Variants in SPI1 observed in about 807,000 individuals in gnomAD.
SPI1 encodes Spi-1 proto-oncogene.
Under a neutral mutation model 30.7 loss-of-function variants are expected in SPI1, and 3 were observed. That is an observed-to-expected ratio of 0.10 (90% CI 0.04 to 0.25). The LOEUF (loss-of-function observed/expected upper bound fraction) is 0.25, where lower values mean the gene tolerates loss of function less well. SPI1 is among the 10% of genes least tolerant of loss of function. SPI1 has a pLI of 1.00. For missense variants in SPI1, 261 were observed against 371.5 expected, an observed-to-expected ratio of 0.70 and a Z score of 2.45; for synonymous variants, 169 against 157.1, an observed-to-expected ratio of 1.08 and a Z score of -0.56.
intron 2 of SPI1, among the ~76,000 whole-genome samples, chr11:47,364,985 G>C (rs2095926313): frequency 6.6e-6 from 1 of 152,146 alleles, no homozygotes. Context: ...GTTTCAGAAG[G>C]CCCAATGGAT....
In SPI1 at chr11:47,375,298, C is replaced by T. The variant is rs549544109; in HGVS notation, c.142+335G>A. Among the ~76,000 whole-genome samples the T allele has an allele frequency of 1.3e-5, 2 of 152,310 alleles. No homozygotes were observed. Among genetic ancestry groups the T allele is most frequent in the African/African-American group, 4.8e-5 (2 of 41,568 alleles). ...AAGCACAGGACCTGGAGCGGACAGA[C>T]CTGGGTTCCACCCAGCAGCCGTGTG... On this transcript the variant is annotated intron_variant, in intron 2 of 4. Coordinates refer to ENST00000378538, the MANE Select transcript of SPI1 (RefSeq NM_003120.3). This position sits in a 1 kb window ranked among gnomAD's most constrained non-coding sequence, Gnocchi z 4.2.
intron 2 of SPI1, among the ~76,000 whole-genome samples, chr11:47,367,583 A>T (rs997784479): frequency 1.3e-5 from 2 of 151,172 alleles, no homozygotes; most frequent in Non-Finnish European, 2.9e-5. Flanking sequence ...TATCGTAAAT[A>T]GCAAATCCCA....
rs2095905667 is a variant in SPI1, at chr11:47,354,942, G to A, written c.*285C>T. The A allele has an allele frequency of 6.7e-6, 2 of 299,814 alleles. No individual in the cohort carries two copies. Among genetic ancestry groups the A allele is most frequent in the Non-Finnish European group, 1.2e-5 (2 of 162,408 alleles). The allele number at this position is 299,814 out of a possible 1,614,324, so 18.6% of individuals were successfully genotyped here. On this transcript the variant is annotated 3_prime_UTR_variant, in exon 5 of 5. Transcript: ENST00000378538. ...AGAGGGGAGATCTGATTTACATACG[G>A]ACTTGAGACTCCCAAGGCAGTACCC...
chr11:47,355,686 T>A, intron 4 of SPI1, 140 bp from the exon 5 acceptor site: 1 of 669,062 alleles, frequency 1.5e-6, no homozygotes, highest in Non-Finnish European at 2.5e-6. Flanking sequence ...GCGCCGGGCG[T>A]GCATACACAA....
chr11:47,372,722 C>T (rs140727467), intron 2 of SPI1, among the ~76,000 whole-genome samples: 232 of 152,260 alleles, frequency 1.5e-3, no homozygotes, highest in South Asian at 3.7e-3. Context: ...TCCCTCCTGC[C>T]TTGAGGAATG....
intron 1 of SPI1, among the ~76,000 whole-genome samples, chr11:47,377,112 C>A (rs1219527575): frequency 6.6e-6 from 1 of 152,216 alleles, no homozygotes; most frequent in Non-Finnish European, 1.5e-5. Flanking sequence ...CTGGTCCTGC[C>A]TGGTCCTGCC....
In SPI1 at chr11:47,378,317, C is replaced by T. The variant is rs763112210; in HGVS notation, c.37G>A (p.Val13Ile). 1.8e-5 allele frequency: 29 copies of T among 1,613,642 alleles called. 1 individual carries two copies. The highest frequency in any genetic ancestry group is 5.0e-5 in the Admixed American group (3 of 59,974). ...QACKMEGFPL[V>I]PPPSEDLVPY... is the part of the protein sequence containing the mutation. ...GGAGTCCCGGTACTCACAGGGGGGA[C>T]GAGGGGAAACCCTTCCATTTTGCAC... Residue 13 changes from valine (V) to isoleucine (I), a missense_variant, in exon 1 of 5, where the codon GTC becomes ATC. Val to Ile is a conservative substitution (Grantham distance 29). Around this residue, in one of 5 missense-constraint regions of SPI1, gnomAD observed 78 missense variants for 93.2 expected, o/e 0.84. Coordinates refer to ENST00000378538, the MANE Select transcript of SPI1 (RefSeq NM_003120.3).
chr11:47,370,795 G>T (rs1430475680), intron 2 of SPI1, among the ~76,000 whole-genome samples: 3 of 152,112 alleles, frequency 2.0e-5, no homozygotes, highest in Non-Finnish European at 2.9e-5. Flanking sequence ...ATAGCCACAT[G>T]GTCATAACAG....
rs1323228141 is a variant in SPI1, at chr11:47,355,768, G to T, written c.494-222C>A. ...TTCACACACACCCACTCACACCCACGCACTCACCCCCCCCACGCGCACACA... is the reference window on the plus strand; with the variant it reads ...TTCACACACACCCACTCACACCCACTCACTCACCCCCCCCACGCGCACACA... On this transcript the variant is annotated intron_variant, in intron 4 of 4. Transcript: ENST00000378538. Among the ~76,000 whole-genome samples the T allele has an allele frequency of 1.3e-4, 15 of 118,550 alleles. 1 individual carries two copies. The highest frequency in any genetic ancestry group is 7.8e-4 in the Admixed American group (9 of 11,580). The allele number at this position is 118,550 out of a possible 152,430, so 77.8% of individuals were successfully genotyped here.
intron 4 of SPI1, among the ~76,000 whole-genome samples, chr11:47,355,761 C>T (rs564396341): frequency 7.2e-6 from 1 of 138,442 alleles, no homozygotes; most frequent in East Asian, 2.1e-4. Context: ...CACCCACTCA[C>T]ACCCACGCAC....
intron 2 of SPI1, among the ~76,000 whole-genome samples, chr11:47,365,408 A>AT (rs765882409): frequency 2.2e-4 from 34 of 152,274 alleles, no homozygotes; most frequent in Middle Eastern, 3.4e-3. Context: ...CTTTTAGCAT[A>AT]TTTTTTATAT....
chr11:47,362,282 C>G (rs924761633), intron 2 of SPI1, among the ~76,000 whole-genome samples: 5 of 152,002 alleles, frequency 3.3e-5, no homozygotes, highest in Non-Finnish European at 7.4e-5. Flanking sequence ...TTCTAAAGAG[C>G]CTAGATTCCC....
intron 1 of SPI1, among the ~76,000 whole-genome samples, chr11:47,376,468 C>A (rs1228573007): frequency 6.6e-6 from 1 of 152,094 alleles, no homozygotes; most frequent in Non-Finnish European, 1.5e-5. Context: ...GTCACCCAGG[C>A]AGACTTAGGG....
chr11:47,357,989 A>G (rs2095914305), intron 4 of SPI1, among the ~76,000 whole-genome samples: 2 of 151,720 alleles, frequency 1.3e-5, no homozygotes, highest in Non-Finnish European at 2.9e-5. Context: ...CACCCCCCAC[A>G]CACACCTGCT....
intron 2 of SPI1, among the ~76,000 whole-genome samples, chr11:47,365,378 A>G (rs1329481334): frequency 6.6e-6 from 1 of 152,214 alleles, no homozygotes; most frequent in Admixed American, 6.5e-5. Context: ...CTATTTGATT[A>G]AATGATCAAC....
At chr11:47,364,097 C>T (rs1384978194) in intron 2 of SPI1, among the ~76,000 whole-genome samples, 4 of 137,224 alleles carry the variant, frequency 2.9e-5, no homozygotes, top group Non-Finnish European at 4.7e-5. Flanking sequence ...GTCGCCCAGG[C>T]TGGAGTGCAG....
At chr11:47,377,441 G>C (rs765233356) in intron 1 of SPI1, among the ~76,000 whole-genome samples, 1 of 152,106 alleles carries the variant, frequency 6.6e-6, no homozygotes, top group African/African-American at 2.4e-5. Context: ...ACCCTGGTCT[G>C]ACACCTGCCT....
chr11:47,364,836 C>T (rs940426782), intron 2 of SPI1, among the ~76,000 whole-genome samples: 8 of 152,052 alleles, frequency 5.3e-5, no homozygotes, highest in African/African-American at 1.9e-4. Flanking sequence ...TGCTGGAGAC[C>T]CACTGAAGCA....
chr11:47,359,327 T>G lies in SPI1; in HGVS notation c.331-321A>C, dbSNP rs1288289521. Among the ~76,000 whole-genome samples the G allele has an allele frequency of 6.6e-6, 1 of 152,044 alleles. No homozygotes were observed. The highest frequency in any genetic ancestry group is 6.5e-5 in the Admixed American group (1 of 15,278). ...GGTGCTGTGTGGACCCGCATTAGGC[T>G]GGGGTCAGAAGAGGGCATGCTAGGG... is the stretch of plus-strand genomic sequence containing the variant. On this transcript the variant is annotated intron_variant, in intron 3 of 4. Coordinates refer to ENST00000378538, the MANE Select transcript of SPI1 (RefSeq NM_003120.3). This position sits in a 1 kb window ranked among gnomAD's most constrained non-coding sequence, Gnocchi z 5.1.
Sources: allele counts gnomAD v4.1 joint callset (sites outside exome capture counted in the v4.1 genomes callset), GRCh38; gene constraint gnomAD v4.1.1; regional missense constraint gnomAD v4.1.1; non-coding constraint Gnocchi (gnomAD v3.1); transcripts MANE v1.5; gene names NCBI Gene and HGNC (gene_info 2026-07-23, HGNC 2026-07-21).